Variants in AXIN1 observed in about 807,000 individuals in gnomAD.
AXIN1 encodes the protein axin 1.
In AXIN1, 30 loss-of-function variants were observed where a neutral mutation model predicts 76.4. That is an observed-to-expected ratio of 0.39 (90% CI 0.29 to 0.53). AXIN1 has a LOEUF of 0.53. Ranked by LOEUF, AXIN1 falls within the 20% of genes least tolerant of loss-of-function variation. The pLI, the probability that AXIN1 is intolerant of heterozygous loss-of-function variation, is 0.66. For missense variants in AXIN1, 1,140 were observed against 1,198.8 expected (o/e 0.95, Z 0.72); for synonymous variants, 545 against 501.4 (o/e 1.09, Z -1.16).
intron 3 of AXIN1, among the ~76,000 whole-genome samples, chr16:311,643 T>C (rs963656051): frequency 3.3e-5 from 5 of 151,824 alleles, no homozygotes; most frequent in Admixed American, 6.6e-5. Context: ...TGGTGGCGAG[T>C]GCCTGTAGTC....
intron 2 of AXIN1, among the ~76,000 whole-genome samples, chr16:316,788 C>T (rs2053312529): frequency 6.6e-6 from 1 of 152,204 alleles, no homozygotes; most frequent in Admixed American, 6.5e-5. Context: ...CTCTACTGTG[C>T]CTAACTTGTA....
At position 297,829 on chromosome 16, in the gene AXIN1, C is replaced by T. The variant is rs149536239; in HGVS notation, c.1677G>A (p.Gln559=). 5.9e-3 allele frequency: 9,291 copies of T among 1,575,138 alleles called. 37 individuals carry two copies. The highest frequency in any genetic ancestry group is 7.1e-3 in the Non-Finnish European group (8,195 of 1,159,676). ...QVEAEATRRA[Q]SSFAWGLEPH... ...GTTCCAGGCCCCAGGCGAAGCTGCTCTGGGCCCTGCGGGTGGCCTCGGCCT... is the reference window on the plus strand; with the variant it reads ...GTTCCAGGCCCCAGGCGAAGCTGCTTTGGGCCCTGCGGGTGGCCTCGGCCT... Residue 559 remains glutamine (Q), a synonymous_variant, in exon 6 of 11, where the codon CAG becomes CAA. Coordinates refer to ENST00000262320, the MANE Select transcript of AXIN1 (RefSeq NM_003502.4).
chr16:345,135 C>T (rs2054008077), intron 2 of AXIN1, among the ~76,000 whole-genome samples: 2 of 151,994 alleles, frequency 1.3e-5, no homozygotes, highest in Admixed American at 1.3e-4. Flanking sequence ...GCAGGGATCA[C>T]AGGGAAGGAA....
chr16:288,846 G>A (rs774971655), intron 10 of AXIN1, among the ~76,000 whole-genome samples: 12 of 152,248 alleles, frequency 7.9e-5, no homozygotes, highest in Non-Finnish European at 1.5e-4. Flanking sequence ...TGAGTCCAGA[G>A]CCTGGAGACA....
At chr16:311,179 G>A (rs1469934466) in intron 3 of AXIN1, among the ~76,000 whole-genome samples, 2 of 151,762 alleles carry the variant, frequency 1.3e-5, no homozygotes, top group Non-Finnish European at 1.5e-5. Flanking sequence ...ACAGGTGCCC[G>A]CCACCACGCC....
At chr16:318,029 G>C (rs914805462) in intron 2 of AXIN1, among the ~76,000 whole-genome samples, 1 of 152,116 alleles carries the variant, frequency 6.6e-6, no homozygotes, top group Non-Finnish European at 1.5e-5. Flanking sequence ...CACTTGGTGC[G>C]TCTGTAGCCC....
chr16:344,161 G>A (rs930707371), intron 2 of AXIN1, among the ~76,000 whole-genome samples: 13 of 152,004 alleles, frequency 8.6e-5, no homozygotes, highest in African/African-American at 3.1e-4. Flanking sequence ...GGCCGGGCGT[G>A]GTGGCCCACG....
Position 297,175 on chromosome 16 carries a change from C to G in AXIN1, c.1836G>C (p.Gly612=), listed in dbSNP as rs747494896. 1 of 1,611,440 alleles carries G rather than the reference C, an allele frequency of 6.2e-7. No homozygotes were observed. Among genetic ancestry groups the G allele is most frequent in the South Asian group, 1.1e-5 (1 of 91,084 alleles). The change falls in exon 7 of 11, where the codon GGG becomes GGC. Residue 612 remains glycine (G), a synonymous_variant. Coordinates refer to ENST00000262320, the MANE Select transcript of AXIN1 (RefSeq NM_003502.4). ...CTGGCACCTCGGTGCTGGCGCTCTT[C>G]CCCGACTCAGCCTTCTTGGCATTTC... ...CKRNAKKAES[G]KSASTEVPGA...
At chr16:304,532 T>C in intron 4 of AXIN1, 91 bp from the exon 5 acceptor site, 1 of 1,572,104 alleles carries the variant, frequency 6.4e-7, no homozygotes, top group African/African-American at 1.4e-5. Context: ...CTATCTCTGT[T>C]GTATTTTATT....
chr16:324,749 C>T (rs866636622), intron 2 of AXIN1, among the ~76,000 whole-genome samples: 5 of 152,146 alleles, frequency 3.3e-5, no homozygotes, highest in African/African-American at 7.2e-5. Flanking sequence ...GTGCCATCAG[C>T]GACCTGCATC....
chr16:320,734 TATATA>T (rs1465322324), intron 2 of AXIN1, among the ~76,000 whole-genome samples: 1 of 91,036 alleles, frequency 1.1e-5, no homozygotes, highest in African/African-American at 6.7e-5. Context: ...TATATATATA[TATATA>T]TATATTTTTT....
At chr16:331,358 C>A (rs2053687195) in intron 2 of AXIN1, among the ~76,000 whole-genome samples, 1 of 152,176 alleles carries the variant, frequency 6.6e-6, no homozygotes, top group Non-Finnish European at 1.5e-5. Context: ...GATCCTGGAG[C>A]CCTTCCCTGG....
chr16:294,717 T>G (rs2141491623), intron 7 of AXIN1, among the ~76,000 whole-genome samples: 1 of 130,540 alleles, frequency 7.7e-6, no homozygotes, highest in Non-Finnish European at 1.5e-5. Flanking sequence ...ACTGGCCTGT[T>G]GCACTCCAGC....
Position 298,055 on chromosome 16 carries a change from C to T in AXIN1, c.1451G>A (p.Arg484His), listed in dbSNP as rs752422812. ...GCGATGGCCAGGCCCAGGCGACTGGCGGCCAGGTGTCCTCAGCACACGCTG... is the reference window on the plus strand; with the variant it reads ...GCGATGGCCAGGCCCAGGCGACTGGTGGCCAGGTGTCCTCAGCACACGCTG... ...HVQRVLRTPG[R>H]QSPGPGHRSP... Residue 484 changes from arginine (R) to histidine (H), a missense_variant, in exon 6 of 11, where the codon CGC becomes CAC. Physicochemically the swap from Arg to His is conservative, Grantham distance 29. This residue lies in a region of AXIN1 where 708 missense variants were observed against 776.9 expected (regional missense o/e 0.91). Coordinates refer to ENST00000262320, the MANE Select transcript of AXIN1 (RefSeq NM_003502.4). The T allele has an allele frequency of 4.4e-6, 7 of 1,576,670 alleles. No homozygotes were observed. The highest frequency in any genetic ancestry group is 2.3e-5 in the East Asian group (1 of 43,112).
rs752857445 is a variant in AXIN1 at position 291,152 on chromosome 16, G to T, written c.2294+38C>A. ...ACCTGGCTTGGGACGCCAGGGCTGGGGTGGGCAGGACCGGGAGGACCCTCA... is the reference window on the plus strand; with the variant it reads ...ACCTGGCTTGGGACGCCAGGGCTGGTGTGGGCAGGACCGGGAGGACCCTCA... On this transcript the variant is annotated intron_variant, in intron 9 of 10. Transcript: ENST00000262320. 1.9e-6 allele frequency: 3 copies of T among 1,544,858 alleles called. No homozygotes were observed. The South Asian group carries it at 3.6e-5, about 18-fold the overall frequency.
intron 2 of AXIN1, among the ~76,000 whole-genome samples, chr16:331,589 T>C (rs9929544): frequency 0.38 from 57,944 of 150,996 alleles, 11,593 homozygotes; most frequent in African/African-American, 0.48. Context: ...TGAGAATCTA[T>C]CAAACACTCC....
At chr16:325,117 C>T (rs1351966541) in intron 2 of AXIN1, among the ~76,000 whole-genome samples, 9 of 150,862 alleles carry the variant, frequency 6.0e-5, no homozygotes, top group Non-Finnish European at 1.3e-4. Flanking sequence ...CGGGCGGCCC[C>T]GCACCCCAGG....
At position 326,984 on chromosome 16, in the gene AXIN1, TA is replaced by T. The variant is rs895886884; in HGVS notation, c.879-12302del. On this transcript the variant is annotated intron_variant, in intron 2 of 10. Transcript: ENST00000262320. ...TGAAACCCCATCTCTACTAAAAATA[TA>T]AAAAAAATTAGCCGGGTGCGGTGGC... 1.0e-4 allele frequency among the ~76,000 whole-genome samples: 15 copies of T among 149,442 alleles called. No homozygotes were observed. The South Asian group carries it at 2.5e-3, about 25-fold the overall frequency.
At chr16:305,826 G>C (rs148114041) in intron 4 of AXIN1, among the ~76,000 whole-genome samples, 3,340 of 152,232 alleles carry the variant, frequency 0.022, 54 homozygotes, top group Middle Eastern at 0.044. Flanking sequence ...TTACAGGCGT[G>C]AGCCACTGCA....
Sources: gnomAD v4.1 joint callset for allele counts (sites outside exome capture counted in the v4.1 genomes callset) on GRCh38, gnomAD v4.1.1 for gene constraint, gnomAD v4.1.1 regional missense constraint, MANE v1.5 for transcripts, NCBI Gene and HGNC (gene_info 2026-07-23, HGNC 2026-07-21) for gene names.